ZNF385D: variants seen among roughly 807,000 people sequenced by gnomAD.
The protein encoded by ZNF385D is zinc finger protein 659.
In ZNF385D, 15 loss-of-function variants were observed where a neutral mutation model predicts 35.8. The observed-to-expected ratio is 0.42, with a 90% confidence interval of 0.28 to 0.64. ZNF385D has a LOEUF of 0.64. Ranked by LOEUF, ZNF385D falls within the 30% of genes least tolerant of loss-of-function variation. The pLI is 0.23. For missense variants in ZNF385D, 474 were observed against 494.6 expected (o/e 0.96, Z 0.39); for synonymous variants, 212 against 186.8 (o/e 1.13, Z -1.10).
intron 3 of ZNF385D, among the ~76,000 whole-genome samples, chr3:22,156,962 T>A (rs1540843): frequency 6.6e-6 from 1 of 152,038 alleles, no homozygotes; most frequent in Admixed American, 6.6e-5. Flanking sequence ...TCCCACAGAG[T>A]TCGCCTATTT....
chr3:21,671,906 T>C (rs928265257), intron 1 of ZNF385D, among the ~76,000 whole-genome samples: 1 of 152,152 alleles, frequency 6.6e-6, no homozygotes, highest in African/African-American at 2.4e-5. Context: ...CAGAAAGATA[T>C]GAGTATCATA....
intron 3 of ZNF385D, among the ~76,000 whole-genome samples, chr3:22,019,593 T>A (rs1576164581): frequency 6.6e-6 from 1 of 151,974 alleles, no homozygotes; most frequent in South Asian, 2.1e-4. Flanking sequence ...TTTATTTGTG[T>A]CTGAATTCCT....
At chr3:21,975,198 T>G (rs1703519016) in intron 3 of ZNF385D, among the ~76,000 whole-genome samples, 1 of 152,082 alleles carries the variant, frequency 6.6e-6, no homozygotes, top group East Asian at 1.9e-4. Flanking sequence ...ATAAGGAAAA[T>G]GTACATATAC....
intron 1 of ZNF385D, among the ~76,000 whole-genome samples, chr3:21,699,870 C>A (rs1337460438): frequency 5.8e-5 from 7 of 119,890 alleles, no homozygotes; most frequent in African/African-American, 2.3e-4. Flanking sequence ...CTTGCTCTGT[C>A]GCCCAGGTTG....
At chr3:22,237,995 G>A (rs1699285431) in intron 2 of ZNF385D, among the ~76,000 whole-genome samples, 1 of 150,922 alleles carries the variant, frequency 6.6e-6, no homozygotes, top group Non-Finnish European at 1.5e-5. Flanking sequence ...GTCTGAGGTA[G>A]GGGTCCAACT....
At chr3:21,602,595 C>CAAT (rs531002399) in intron 2 of ZNF385D, among the ~76,000 whole-genome samples, 1,962 of 137,016 alleles carry the variant, frequency 0.014, 43 homozygotes, top group African/African-American at 0.053. Flanking sequence ...TGCAGTGGCG[C>CAAT]AATCTCGGCT....
In ZNF385D at chr3:21,468,884, G is replaced by A. The variant is rs745825074; in HGVS notation, c.440-31681C>T. 3.3e-5 allele frequency among the ~76,000 whole-genome samples: 5 copies of A among 151,902 alleles called. No homozygotes were observed. In the East Asian group the frequency reaches 5.9e-4, roughly 18 times the overall value. The stretch of plus-strand genomic sequence containing the variant: ...ACAGAGATTGCAGTGAACCGAGATC[G>A]TGCCACTGCACTCCAGTCTGGCAAC... On this transcript the variant is annotated intron_variant, in intron 4 of 7. Transcript: ENST00000281523.
chr3:22,243,717 G>A (rs756416467), intron 2 of ZNF385D, among the ~76,000 whole-genome samples: 1 of 150,858 alleles, frequency 6.6e-6, no homozygotes, highest in Non-Finnish European at 1.5e-5. Flanking sequence ...AAGAAAGGAG[G>A]GTAGGCAGCT....
At chr3:21,941,793 G>C (rs757638237) in intron 3 of ZNF385D, among the ~76,000 whole-genome samples, 2 of 142,258 alleles carry the variant, frequency 1.4e-5, no homozygotes, top group Admixed American at 7.8e-5. Context: ...CACCATGCCC[G>C]GCCTCTTTAA....
intron 3 of ZNF385D, among the ~76,000 whole-genome samples, chr3:21,926,542 C>T (rs1700738499): frequency 6.6e-6 from 1 of 152,094 alleles, no homozygotes; most frequent in Admixed American, 6.6e-5. Flanking sequence ...CATTGATGGC[C>T]ATTTGGGTTG....
At chr3:21,633,216 G>A (rs1008801338) in intron 2 of ZNF385D, among the ~76,000 whole-genome samples, 1 of 151,994 alleles carries the variant, frequency 6.6e-6, no homozygotes, top group Admixed American at 6.6e-5. Flanking sequence ...TGTTAGAAGT[G>A]GAGCAGTTTT....
At chr3:21,546,687 C>G (rs578146959) in intron 3 of ZNF385D, among the ~76,000 whole-genome samples, 17 of 152,040 alleles carry the variant, frequency 1.1e-4, no homozygotes, top group African/African-American at 4.1e-4. Flanking sequence ...GTGGCTGATT[C>G]CTGCCATTTA....
chr3:22,085,231 G>C (rs1700966240), intron 3 of ZNF385D, among the ~76,000 whole-genome samples: 1 of 152,072 alleles, frequency 6.6e-6, no homozygotes, highest in Non-Finnish European at 1.5e-5. Context: ...ATTAAGATCA[G>C]AGCAGAACTG....
At chr3:21,983,882 T>C (rs1444729250) in intron 3 of ZNF385D, among the ~76,000 whole-genome samples, 3 of 127,254 alleles carry the variant, frequency 2.4e-5, no homozygotes, top group East Asian at 2.2e-4. Context: ...TGATATCTCA[T>C]AGTGGTTTTG....
intron 4 of ZNF385D, among the ~76,000 whole-genome samples, chr3:21,495,519 C>T (rs1319235383): frequency 6.6e-6 from 1 of 151,988 alleles, no homozygotes; most frequent in Non-Finnish European, 1.5e-5. Context: ...TGCAAAGGTA[C>T]AACATACCAC....
intron 3 of ZNF385D, among the ~76,000 whole-genome samples, chr3:22,151,853 CT>C (rs1705261204): frequency 6.6e-6 from 1 of 152,028 alleles, no homozygotes. Context: ...CACTCAGTAA[CT>C]TTTTAAACTT....
chr3:21,944,340 T>A (rs1331855175), intron 3 of ZNF385D, among the ~76,000 whole-genome samples: 2 of 152,204 alleles, frequency 1.3e-5, no homozygotes, highest in Non-Finnish European at 2.9e-5. Context: ...CTGAGAACTG[T>A]CAAAGCTGAA....
At chr3:22,098,375 T>A (rs1009882621) in intron 3 of ZNF385D, among the ~76,000 whole-genome samples, 1 of 152,044 alleles carries the variant, frequency 6.6e-6, no homozygotes, top group African/African-American at 2.4e-5. Context: ...TGAACACAAT[T>A]TTTTTCAAAT....
chr3:22,121,824 A>G (rs1226981476), intron 3 of ZNF385D, among the ~76,000 whole-genome samples: 1 of 152,116 alleles, frequency 6.6e-6, no homozygotes, highest in Non-Finnish European at 1.5e-5. Context: ...CTTTAGCCTT[A>G]AAATAGACTC....
Sources: allele counts gnomAD v4.1 joint callset (sites outside exome capture counted in the v4.1 genomes callset), GRCh38; gene constraint gnomAD v4.1.1; transcripts MANE v1.5; gene names NCBI Gene and HGNC (gene_info 2026-07-23, HGNC 2026-07-21).